The following COL8A1 variants were observed in gnomAD, a reference collection of about 807,000 sequenced individuals.
COL8A1 encodes the protein collagen alpha-1(VIII) chain.
In COL8A1, 21 loss-of-function variants were observed where a neutral mutation model predicts 42.7. The ratio of observed to expected loss-of-function variants is 0.49; its 90% CI spans 0.35 to 0.71. The LOEUF is 0.71. COL8A1 is among the 30% of genes least tolerant of loss of function. The pLI, the probability that COL8A1 is intolerant of heterozygous loss-of-function variation, is 0.01. For synonymous variants in COL8A1, 367 were observed against 369.1 expected, an observed-to-expected ratio of 0.99 and a Z score of 0.06; for missense variants, 788 against 962.4, an observed-to-expected ratio of 0.82 and a Z score of 2.40.
intron 1 of COL8A1, among the ~76,000 whole-genome samples, chr3:99,696,171 A>C (rs1939361397): frequency 6.6e-6 from 1 of 152,220 alleles, no homozygotes; most frequent in Non-Finnish European, 1.5e-5. Flanking sequence ...AGTATCAGCT[A>C]GGTGAGTATA....
chr3:99,665,929 G>T (rs961922896), intron 1 of COL8A1, among the ~76,000 whole-genome samples: 1 of 151,142 alleles, frequency 6.6e-6, no homozygotes, highest in African/African-American at 2.4e-5. Flanking sequence ...AACCTCAAGT[G>T]ATCTGCCCGC....
intron 1 of COL8A1, among the ~76,000 whole-genome samples, chr3:99,670,218 A>T (rs1255791919): frequency 6.6e-6 from 1 of 152,092 alleles, no homozygotes; most frequent in Admixed American, 6.6e-5. Context: ...AGTAAGAACC[A>T]TTATGGGAAG....
intron 1 of COL8A1, among the ~76,000 whole-genome samples, chr3:99,661,937 A>G (rs1443318282): frequency 6.6e-6 from 1 of 152,216 alleles, no homozygotes; most frequent in Non-Finnish European, 1.5e-5. Context: ...GAGAAAGTAG[A>G]ATGATGTGCC....
chr3:99,721,203 T>A (rs1033189732), intron 1 of COL8A1, among the ~76,000 whole-genome samples: 2 of 151,680 alleles, frequency 1.3e-5, no homozygotes, highest in Non-Finnish European at 2.9e-5. Flanking sequence ...CGTCAAAAAG[T>A]GCAAATGTTA....
intron 1 of COL8A1, among the ~76,000 whole-genome samples, chr3:99,722,480 T>G (rs1461630932): frequency 6.6e-6 from 1 of 152,112 alleles, no homozygotes; most frequent in African/African-American, 2.4e-5. Flanking sequence ...AATATGTAAG[T>G]TATGCCTCAG....
At chr3:99,684,766 A>C (rs1054121595) in intron 1 of COL8A1, among the ~76,000 whole-genome samples, 2 of 152,222 alleles carry the variant, frequency 1.3e-5, no homozygotes, top group South Asian at 2.1e-4. Flanking sequence ...ACCTAATTGC[A>C]AAAAGTTGCC....
Position 99,795,773 on chromosome 3 carries a change from A to C in COL8A1, c.1872A>C (p.Ala624=), listed in dbSNP as rs751357905. 32 of 1,614,042 alleles carry C rather than the reference A, an allele frequency of 2.0e-5. No individual in the cohort carries two copies. Among genetic ancestry groups the C allele is most frequent in the Non-Finnish European group, 2.5e-5 (29 of 1,179,970 alleles). Reference sequence around the variant, plus strand: ...CTGCATTTACCGCCGAGCTAACCGCACCTTTCCCACCGGTGGGGGCCCCAG... The same window carrying C: ...CTGCATTTACCGCCGAGCTAACCGCCCCTTTCCCACCGGTGGGGGCCCCAG... ...EMPAFTAELT[A]PFPPVGAPVK... Residue 624 remains alanine, a synonymous_variant, in exon 4 of 4, where the codon GCA becomes GCC. Coordinates refer to ENST00000652472, the MANE Select transcript of COL8A1 (RefSeq NM_020351.4).
rs1437039107 is a variant in COL8A1 at position 99,798,332 on chromosome 3, C to G, written c.*2196C>G. 6.6e-6 allele frequency: 1 copy of G among 152,086 alleles called. No homozygotes were observed. 9.4% of individuals were successfully genotyped at this position (152,086 alleles called of 1,614,324 possible). A position where few individuals can be genotyped will look rare whatever the true frequency, so the allele number is the denominator to read the frequency against. ...TCAAAGCAGACAGCATCTATGTGGCCAAATATACTTTGGGTTGTTCTTGAG... is the reference window on the plus strand; with the variant it reads ...TCAAAGCAGACAGCATCTATGTGGCGAAATATACTTTGGGTTGTTCTTGAG... On this transcript the variant is annotated 3_prime_UTR_variant, in exon 4 of 4. Coordinates refer to ENST00000652472, the MANE Select transcript of COL8A1 (RefSeq NM_020351.4).
chr3:99,747,417 T>C lies in COL8A1; in HGVS notation c.-4+2396T>C, dbSNP rs559037176. Among the ~76,000 whole-genome samples the C allele has an allele frequency of 4.1e-4, 63 of 152,338 alleles. 1 individual carries two copies. In the Middle Eastern group the frequency reaches 0.01, roughly 25 times the overall value. On this transcript the variant is annotated intron_variant, in intron 2 of 3. Transcript: ENST00000652472. ...ATTAATGTGTCTCTTGGATTTACAC[T>C]AGAGAGGTGGTGTCCCACACATGGG...
intron 2 of COL8A1, among the ~76,000 whole-genome samples, chr3:99,781,459 G>A (rs896344698): frequency 6.6e-6 from 1 of 152,136 alleles, no homozygotes; most frequent in Non-Finnish European, 1.5e-5. Context: ...AGGGTTATAT[G>A]ATTCAAAATA....
intron 1 of COL8A1, among the ~76,000 whole-genome samples, chr3:99,669,180 G>A (rs1042236408): frequency 6.8e-6 from 1 of 146,822 alleles, no homozygotes; most frequent in Admixed American, 6.9e-5. Flanking sequence ...GAGAGAGAGA[G>A]AGGGACAAAG....
intron 1 of COL8A1, among the ~76,000 whole-genome samples, chr3:99,739,198 G>A (rs553634154): frequency 1.6e-4 from 24 of 152,312 alleles, no homozygotes; most frequent in East Asian, 1.2e-3. Context: ...CATTGCTCAC[G>A]CTGGGAGCTG....
At chr3:99,684,117 T>C (rs575796560) in intron 1 of COL8A1, among the ~76,000 whole-genome samples, 1 of 152,178 alleles carries the variant, frequency 6.6e-6, no homozygotes, top group Non-Finnish European at 1.5e-5. Flanking sequence ...TGGACTTGTT[T>C]AGGCCTGTCA....
chr3:99,705,348 G>A (rs1939651941), intron 1 of COL8A1, among the ~76,000 whole-genome samples: 1 of 152,140 alleles, frequency 6.6e-6, no homozygotes, highest in South Asian at 2.1e-4. Context: ...GGCAATCTAT[G>A]TTCTGAGCTT....
chr3:99,794,567 G>C lies in COL8A1; in HGVS notation c.666G>C (p.Lys222Asn). The C allele has an allele frequency of 6.2e-7, 1 of 1,613,764 alleles. No homozygotes were observed. ...GGTTACCAGGGCAACCAGGACCAAA[G>C]GGTGATCGAGGACCCAAAGGACTAC... The part of the protein sequence containing the change: ...GPGLPGQPGP[K>N]GDRGPKGLPG... Residue 222 changes from lysine to asparagine, a missense_variant, in exon 4 of 4, where the codon AAG (lysine) becomes AAC (asparagine). Lys to Asn is a moderately conservative substitution (Grantham distance 94). Around this residue, in one of 4 missense-constraint regions of COL8A1, gnomAD observed 421 missense variants for 553.1 expected, o/e 0.76. Transcript: ENST00000652472. The surrounding 1 kb of genome is among the most constrained non-coding windows in gnomAD (Gnocchi z 4.3).
intron 1 of COL8A1, among the ~76,000 whole-genome samples, chr3:99,706,068 C>T (rs541964344): frequency 7.7e-4 from 117 of 152,146 alleles, no homozygotes; most frequent in African/African-American, 2.5e-3. Flanking sequence ...AAATAAATTA[C>T]TGTTAGGTCA....
intron 1 of COL8A1, among the ~76,000 whole-genome samples, chr3:99,695,723 A>G (rs1576434911): frequency 6.6e-6 from 1 of 152,110 alleles, no homozygotes; most frequent in Admixed American, 6.5e-5. Flanking sequence ...TCTTTTTAAC[A>G]TGTATTGCAC....
At chr3:99,724,572 A>C (rs1940249261) in intron 1 of COL8A1, among the ~76,000 whole-genome samples, 1 of 152,062 alleles carries the variant, frequency 6.6e-6, no homozygotes, top group Admixed American at 6.6e-5. Flanking sequence ...ATTTTTACAA[A>C]GATTAATATT....
chr3:99,727,616 G>T (rs76568798), intron 1 of COL8A1, among the ~76,000 whole-genome samples: 1 of 151,936 alleles, frequency 6.6e-6, no homozygotes, highest in East Asian at 1.9e-4. Flanking sequence ...AAGATCAGAT[G>T]GTTGTAGATA....
Sources: gnomAD v4.1 joint callset for allele counts (sites outside exome capture counted in the v4.1 genomes callset) on GRCh38, gnomAD v4.1.1 for gene constraint, gnomAD v4.1.1 regional missense constraint, Gnocchi (gnomAD v3.1) non-coding constraint, MANE v1.5 for transcripts, NCBI Gene and HGNC (gene_info 2026-07-23, HGNC 2026-07-21) for gene names.